SYN2: variants seen among roughly 807,000 people sequenced by gnomAD.
SYN2 encodes the protein synapsin II, also known as synapsin-2.
Under a neutral mutation model 50.9 loss-of-function variants are expected in SYN2, and 19 were observed. That is an observed-to-expected ratio of 0.37 (90% CI 0.26 to 0.55). SYN2 has a LOEUF of 0.55. Among genes scored for constraint, SYN2 ranks in the 20% least tolerant of loss-of-function variants. The pLI is 0.81. For missense variants in SYN2, 587 were observed against 576.4 expected, an observed-to-expected ratio of 1.02 and a Z score of -0.19; for synonymous variants, 255 against 224.9, an observed-to-expected ratio of 1.13 and a Z score of -1.20.
intron 10 of SYN2, among the ~76,000 whole-genome samples, chr3:12,180,628 G>A (rs891535995): frequency 3.3e-5 from 5 of 152,122 alleles, no homozygotes; most frequent in South Asian, 4.1e-4. Flanking sequence ...CCCGCCTCCC[G>A]TAGCCCCTGA....
chr3:12,153,171 C>T (rs1425888152), intron 5 of SYN2: 2 of 375,810 alleles, frequency 5.3e-6, no homozygotes, highest in Non-Finnish European at 1.0e-5. Context: ...ATGACATTCG[C>T]CATTTCTCCC....
At chr3:12,078,691 G>A (rs1178761021) in intron 1 of SYN2, among the ~76,000 whole-genome samples, 1 of 152,142 alleles carries the variant, frequency 6.6e-6, no homozygotes, top group African/African-American at 2.4e-5. Flanking sequence ...TTACCATGCT[G>A]TTTTGGTTAC....
chr3:12,004,781 C>G lies in SYN2; in HGVS notation c.230C>G (p.Ser77Trp). 2.6e-6 allele frequency: 1 copy of G among 378,184 alleles called. No individual in the cohort carries two copies. The highest frequency in any genetic ancestry group is 4.7e-6 in the Non-Finnish European group (1 of 213,480). The allele number at this position is 378,184 out of a possible 1,614,324, so 23.4% of individuals were successfully genotyped here. The change falls in exon 1 of 13, where the codon TCG becomes TGG. Residue 77 changes from serine (S) to tryptophan (W), a missense_variant. Ser to Trp is a radical substitution (Grantham distance 177). Transcript: ENST00000621198. ...GCGCCGCAGCCCGCGCCGACGCCGTCGGTGGGCAGCAGCTTCTTCAGCTCG... is the reference window on the plus strand; with the variant it reads ...GCGCCGCAGCCCGCGCCGACGCCGTGGGTGGGCAGCAGCTTCTTCAGCTCG... ...APAPQPAPTP[S>W]VGSSFFSSLS...
intron 5 of SYN2, chr3:12,159,031 C>G: frequency 2.8e-6 from 2 of 709,438 alleles, no homozygotes; most frequent in Non-Finnish European, 4.4e-6. Context: ...GAGGCTCTTC[C>G]GACCTGCATA....
intron 1 of SYN2, among the ~76,000 whole-genome samples, chr3:12,090,043 T>G (rs1002089985): frequency 6.6e-6 from 1 of 152,188 alleles, no homozygotes; most frequent in African/African-American, 2.4e-5. Flanking sequence ...AGAAATAGAC[T>G]AAAAGCATTT....
intron 1 of SYN2, among the ~76,000 whole-genome samples, chr3:12,111,719 G>A (rs1409930723): frequency 6.6e-6 from 1 of 152,204 alleles, no homozygotes; most frequent in Admixed American, 6.5e-5. Flanking sequence ...TTACCGAGTG[G>A]TTCTGGTTAG....
At chr3:12,098,794 A>G (rs139098589) in intron 1 of SYN2, among the ~76,000 whole-genome samples, 16 of 150,398 alleles carry the variant, frequency 1.1e-4, no homozygotes, top group Admixed American at 4.0e-4. Context: ...ATTCAACTAT[A>G]TGCTGTCTAC....
At chr3:12,114,196 C>T (rs985893400) in intron 1 of SYN2, among the ~76,000 whole-genome samples, 5 of 151,686 alleles carry the variant, frequency 3.3e-5, no homozygotes, top group African/African-American at 7.3e-5. Flanking sequence ...CCCTTAATGA[C>T]GAATGATGTT....
chr3:12,028,196 G>A (rs1694306842), intron 1 of SYN2, among the ~76,000 whole-genome samples: 1 of 151,614 alleles, frequency 6.6e-6, no homozygotes, highest in African/African-American at 2.4e-5. Flanking sequence ...CCCTACAAAG[G>A]ACATGAACTC....
intron 1 of SYN2, among the ~76,000 whole-genome samples, chr3:12,035,740 A>C (rs1559393964): frequency 6.6e-6 from 1 of 152,202 alleles, no homozygotes; most frequent in Non-Finnish European, 1.5e-5. Context: ...TGGGGTCAGT[A>C]GAAAGGAGTG....
chr3:12,027,486 T>C (rs1001388913), intron 1 of SYN2, among the ~76,000 whole-genome samples: 4 of 152,220 alleles, frequency 2.6e-5, no homozygotes, highest in Non-Finnish European at 2.9e-5. Context: ...TCCTGGTTGA[T>C]GAAAGATTTC....
chr3:12,101,734 G>A (rs774592966), intron 1 of SYN2, among the ~76,000 whole-genome samples: 2 of 152,156 alleles, frequency 1.3e-5, no homozygotes, highest in Non-Finnish European at 2.9e-5. Flanking sequence ...CCTTAAGCAT[G>A]TTAGACTATA....
intron 1 of SYN2, among the ~76,000 whole-genome samples, chr3:12,102,588 A>G (rs1355769311): frequency 6.6e-6 from 1 of 152,058 alleles, no homozygotes; most frequent in Non-Finnish European, 1.5e-5. Context: ...TTTATTCCTC[A>G]TTTTTAGCCT....
At chr3:12,057,982 A>G (rs1440948861) in intron 1 of SYN2, among the ~76,000 whole-genome samples, 1 of 152,168 alleles carries the variant, frequency 6.6e-6, no homozygotes, top group Non-Finnish European at 1.5e-5. Flanking sequence ...TTAAAAATAT[A>G]TTCTGTGGTC....
intron 1 of SYN2, among the ~76,000 whole-genome samples, chr3:12,115,008 C>T (rs557213604): frequency 3.3e-4 from 50 of 152,284 alleles, no homozygotes; most frequent in South Asian, 4.1e-4. Context: ...ATGTTATCCC[C>T]AGTTGCTGTT....
chr3:12,018,360 A>C (rs1204505123), intron 1 of SYN2, among the ~76,000 whole-genome samples: 3 of 152,174 alleles, frequency 2.0e-5, no homozygotes, highest in African/African-American at 7.2e-5. Flanking sequence ...CAGGGCAGGG[A>C]AAGGAAGAAG....
At chr3:12,098,265 ATTCTGT>A (rs1353532431) in intron 1 of SYN2, among the ~76,000 whole-genome samples, 4 of 152,230 alleles carry the variant, frequency 2.6e-5, no homozygotes, top group Non-Finnish European at 5.9e-5. Flanking sequence ...TCAGCAAAGA[ATTCTGT>A]TTCTAACAAC....
chr3:12,134,470 G>A (rs991241554), intron 1 of SYN2, among the ~76,000 whole-genome samples: 3 of 152,174 alleles, frequency 2.0e-5, no homozygotes, highest in African/African-American at 4.8e-5. Flanking sequence ...GCTTCTGTGC[G>A]TTTGCCCTTA....
chr3:12,190,823 G>A lies in SYN2; in HGVS notation c.*198G>A. ...CTCAGGGCAGGTGCCTACCCAGCAAGGGGTACCTGGCATCAGAGAGGAAAG... is the reference window on the plus strand; with the variant it reads ...CTCAGGGCAGGTGCCTACCCAGCAAAGGGTACCTGGCATCAGAGAGGAAAG... On this transcript the variant is annotated 3_prime_UTR_variant, in exon 13 of 13. Transcript: ENST00000621198. The A allele has an allele frequency of 7.4e-7, 1 of 1,344,772 alleles. No individual in the cohort carries two copies. The highest frequency in any genetic ancestry group is 9.5e-7 in the Non-Finnish European group (1 of 1,054,922). 83.3% of individuals were successfully genotyped at this position (1,344,772 alleles called of 1,614,324 possible). A position where few individuals can be genotyped will look rare whatever the true frequency, so the allele number is the denominator to read the frequency against.
Sources: allele counts gnomAD v4.1 joint callset (sites outside exome capture counted in the v4.1 genomes callset), GRCh38; gene constraint gnomAD v4.1.1; transcripts MANE v1.5; gene names NCBI Gene and HGNC (gene_info 2026-07-23, HGNC 2026-07-21).